CACNG2: variants seen among roughly 807,000 people sequenced by gnomAD.
The protein encoded by CACNG2 is calcium voltage-gated channel auxiliary subunit gamma 2.
A neutral mutation model predicts 25.9 loss-of-function variants in CACNG2; 3 were observed. The ratio of observed to expected loss-of-function variants is 0.12; its 90% CI spans 0.05 to 0.30. CACNG2 has a LOEUF of 0.30. CACNG2 is among the 10% of genes least tolerant of loss of function. The probability of loss-of-function intolerance (pLI) is 1.00; values close to 1 mark genes in which losing one functional copy is unlikely to be tolerated. For missense variants in CACNG2, 341 were observed against 432.5 expected (o/e 0.79, Z 1.88); for synonymous variants, 167 against 173.3 (o/e 0.96, Z 0.29).
chr22:36,588,379 G>A (rs1935537381), intron 1 of CACNG2, among the ~76,000 whole-genome samples: 3 of 152,166 alleles, frequency 2.0e-5, no homozygotes, highest in South Asian at 4.1e-4. Context: ...TCACAGGCAG[G>A]TCCTCCCCAG....
intron 1 of CACNG2, among the ~76,000 whole-genome samples, chr22:36,701,650 G>A (rs1417437196): frequency 6.7e-6 from 1 of 149,876 alleles, no homozygotes; most frequent in East Asian, 2.0e-4. Flanking sequence ...AGCCTAACCC[G>A]CAAGTGAATT....
At chr22:36,649,458 A>AT (rs1465412487) in intron 1 of CACNG2, among the ~76,000 whole-genome samples, 2 of 151,852 alleles carry the variant, frequency 1.3e-5, no homozygotes, top group Admixed American at 6.6e-5. Flanking sequence ...TGCCCAGCTA[A>AT]TTTTTTTGTA....
intron 1 of CACNG2, among the ~76,000 whole-genome samples, chr22:36,615,828 T>TA (rs960280599): frequency 5.3e-5 from 8 of 151,806 alleles, no homozygotes; most frequent in African/African-American, 9.7e-5. Flanking sequence ...TAGTGTTAGT[T>TA]AAAAAAAATA....
chr22:36,620,691 G>GT, intron 1 of CACNG2, among the ~76,000 whole-genome samples: 1 of 152,168 alleles, frequency 6.6e-6, no homozygotes, highest in Non-Finnish European at 1.5e-5. Flanking sequence ...TACCTACTGG[G>GT]TTTGTTATGG....
At chr22:36,610,952 T>C (rs2145941178) in intron 1 of CACNG2, among the ~76,000 whole-genome samples, 1 of 152,370 alleles carries the variant, frequency 6.6e-6, no homozygotes, top group Middle Eastern at 3.4e-3. Context: ...CAGTGGCTGC[T>C]TTAGTTGCCA....
intron 1 of CACNG2, among the ~76,000 whole-genome samples, chr22:36,663,208 G>A (rs9622451): frequency 0.11 from 16,388 of 152,090 alleles, 2,908 homozygotes; most frequent in African/African-American, 0.37. Context: ...CATGGAGGAC[G>A]TGCTCAGAAA....
chr22:36,689,487 C>CA (rs1307565452), intron 1 of CACNG2, among the ~76,000 whole-genome samples: 5 of 152,210 alleles, frequency 3.3e-5, no homozygotes, highest in Admixed American at 2.0e-4. Context: ...TGAACTAGCA[C>CA]AGAGTCTGGC....
chr22:36,648,770 G>A (rs1284333189), intron 1 of CACNG2, among the ~76,000 whole-genome samples: 1 of 152,066 alleles, frequency 6.6e-6, no homozygotes, highest in Non-Finnish European at 1.5e-5. Context: ...AATCTTCTTT[G>A]CTTTTTTTCT....
chr22:36,606,287 G>T lies in CACNG2; in HGVS notation c.212-18739C>A, dbSNP rs1390770218. 3.9e-5 allele frequency among the ~76,000 whole-genome samples: 6 copies of T among 152,230 alleles called. No individual in the cohort carries two copies. Reference sequence around the variant, plus strand: ...ACAAGGGCAGCGAGGGCGTTGGCTGGTCGCCGGGAACAAGCTGCCATGAGC... The same window carrying T: ...ACAAGGGCAGCGAGGGCGTTGGCTGTTCGCCGGGAACAAGCTGCCATGAGC... On this transcript the variant is annotated intron_variant, in intron 1 of 3. Coordinates refer to ENST00000300105, the MANE Select transcript of CACNG2 (RefSeq NM_006078.5). This position sits in a 1 kb window ranked among gnomAD's most constrained non-coding sequence, Gnocchi z 5.7.
At chr22:36,569,256 T>C (rs1318038243) in intron 2 of CACNG2, among the ~76,000 whole-genome samples, 1 of 152,132 alleles carries the variant, frequency 6.6e-6, no homozygotes, top group Non-Finnish European at 1.5e-5. Context: ...GTGTGTTTTT[T>C]TGCCCCAATT....
At chr22:36,609,332 C>T (rs1364177703) in intron 1 of CACNG2, among the ~76,000 whole-genome samples, 1 of 147,602 alleles carries the variant, frequency 6.8e-6, no homozygotes, top group South Asian at 2.2e-4. Context: ...CAGGAATCAG[C>T]CCCCTAGAGT....
At chr22:36,586,009 G>A (rs1469062017) in intron 2 of CACNG2, among the ~76,000 whole-genome samples, 1 of 152,244 alleles carries the variant, frequency 6.6e-6, no homozygotes, top group Non-Finnish European at 1.5e-5. Context: ...GACATCATTC[G>A]AGCTCCACCT....
At chr22:36,598,817 C>A (rs1380171960) in intron 1 of CACNG2, among the ~76,000 whole-genome samples, 1 of 150,158 alleles carries the variant, frequency 6.7e-6, no homozygotes, top group Non-Finnish European at 1.5e-5. Flanking sequence ...TGTCTGTACC[C>A]AAAATACAAA....
intron 1 of CACNG2, among the ~76,000 whole-genome samples, chr22:36,625,662 CT>C (rs556523469): frequency 4.6e-4 from 70 of 152,284 alleles, no homozygotes; most frequent in Non-Finnish European, 8.5e-4. Context: ...CTTTGTCTGA[CT>C]TGATAAAGTA....
At position 36,606,683 on chromosome 22, in the gene CACNG2, C is replaced by T. The variant is rs1366073686; in HGVS notation, c.212-19135G>A. Among the ~76,000 whole-genome samples the T allele has an allele frequency of 6.6e-6, 1 of 151,878 alleles. No individual in the cohort carries two copies. Among genetic ancestry groups the T allele is most frequent in the Non-Finnish European group, 1.5e-5 (1 of 67,984 alleles). On this transcript the variant is annotated intron_variant, in intron 1 of 3. Coordinates refer to ENST00000300105, the MANE Select transcript of CACNG2 (RefSeq NM_006078.5). This position sits in a 1 kb window ranked among gnomAD's most constrained non-coding sequence, Gnocchi z 5.7. Reference sequence around the variant, plus strand: ...TGTTTGAGAGAAGAGCAAGTGAGGGCCAACCAGAGAGAGGACAGGATGCTG... The same window carrying T: ...TGTTTGAGAGAAGAGCAAGTGAGGGTCAACCAGAGAGAGGACAGGATGCTG...
intron 1 of CACNG2, among the ~76,000 whole-genome samples, chr22:36,609,411 G>GC (rs139777674): frequency 4.6e-3 from 120 of 26,220 alleles, no homozygotes; most frequent in South Asian, 7.9e-3. Context: ...GCGTGATCGG[G>GC]AGGAATCAGC....
rs57987215 is a variant in CACNG2, at chr22:36,625,026, C to CAAA, written c.212-37481_212-37479dup. Among the ~76,000 whole-genome samples, 124 of 67,636 alleles carry CAAA rather than the reference C, an allele frequency of 1.8e-3. 4 individuals are homozygous for CAAA. Among genetic ancestry groups the CAAA allele is most frequent in the Admixed American group, 5.2e-3 (25 of 4,850 alleles). The allele number at this position is 67,636 out of a possible 152,430, so 44.4% of individuals were successfully genotyped here. On this transcript the variant is annotated intron_variant, in intron 1 of 3. Transcript: ENST00000300105. ...CTGGCAACAGAGTGAGACTCTGTCT[C>CAAA]AAAAAAAAAAAAAAAAGAACCACAG...
At chr22:36,596,403 C>T (rs1935679041) in intron 1 of CACNG2, among the ~76,000 whole-genome samples, 1 of 152,204 alleles carries the variant, frequency 6.6e-6, no homozygotes, top group Non-Finnish European at 1.5e-5. Flanking sequence ...AACAACAGAA[C>T]GTGTGGCATC....
chr22:36,702,462 C>G lies in CACNG2; in HGVS notation c.115G>C (p.Val39Leu). The change falls in exon 1 of 4, where the codon GTT becomes CTT. Residue 39 changes from valine (V) to leucine (L), a missense_variant. This residue lies in a region of CACNG2 where 169 missense variants were observed against 254.4 expected (regional missense o/e 0.66). Transcript: ENST00000300105. ...GTDYWLYSRG[V>L]CKTKSVSENE... ...TCACTGACACTTTTGGTCTTGCAAA[C>G]CCCTCTGGAGTAGAGCCAATAGTCG... is the stretch of plus-strand genomic sequence containing the variant. 4 of 1,614,112 alleles carry G rather than the reference C, an allele frequency of 2.5e-6. No individual in the cohort carries two copies. The highest frequency in any genetic ancestry group is 3.4e-6 in the Non-Finnish European group (4 of 1,180,000).
Sources: gnomAD v4.1 joint callset for allele counts (sites outside exome capture counted in the v4.1 genomes callset) on GRCh38, gnomAD v4.1.1 for gene constraint, gnomAD v4.1.1 regional missense constraint, Gnocchi (gnomAD v3.1) non-coding constraint, MANE v1.5 for transcripts, NCBI Gene and HGNC (gene_info 2026-07-23, HGNC 2026-07-21) for gene names.